Variants in DSCAM observed in about 807,000 individuals in gnomAD.
DSCAM encodes DS cell adhesion molecule, also known as cell adhesion molecule DSCAM.
DSCAM carries 47 observed loss-of-function variants against 217.7 expected under a neutral mutation model. That is an observed-to-expected ratio of 0.22 (90% CI 0.17 to 0.28). The LOEUF (loss-of-function observed/expected upper bound fraction) is 0.28. DSCAM is among the 10% of genes least tolerant of loss of function. The pLI is 1.00. For missense variants in DSCAM, 2,080 were observed against 2,618.3 expected, an observed-to-expected ratio of 0.79 and a Z score of 4.49; for synonymous variants, 1,056 against 1,015.3, an observed-to-expected ratio of 1.04 and a Z score of -0.76.
intron 3 of DSCAM, among the ~76,000 whole-genome samples, chr21:40,486,757 T>C (rs1350646792): frequency 6.6e-6 from 1 of 152,196 alleles, no homozygotes; most frequent in Non-Finnish European, 1.5e-5. Context: ...CTTTCTAGTT[T>C]CTAATGTTCC....
At chr21:40,055,011 T>C (rs2088990924) in intron 29 of DSCAM, among the ~76,000 whole-genome samples, 1 of 152,206 alleles carries the variant, frequency 6.6e-6, no homozygotes, top group Non-Finnish European at 1.5e-5. Context: ...AAAGGAAATA[T>C]AAGGTATTTC....
intron 20 of DSCAM, among the ~76,000 whole-genome samples, chr21:40,098,719 A>G (rs1437126803): frequency 6.6e-6 from 1 of 152,166 alleles, no homozygotes; most frequent in East Asian, 1.9e-4. Context: ...CCTCAACAAA[A>G]CATAATGTCA....
intron 30 of DSCAM, among the ~76,000 whole-genome samples, chr21:40,047,814 C>G (rs1359732690): frequency 6.6e-6 from 1 of 152,148 alleles, no homozygotes; most frequent in Non-Finnish European, 1.5e-5. Flanking sequence ...ATGCACCTCA[C>G]CCACCCCAGG....
intron 3 of DSCAM, among the ~76,000 whole-genome samples, chr21:40,473,252 C>T (rs1462831562): frequency 6.6e-6 from 1 of 152,120 alleles, no homozygotes; most frequent in Non-Finnish European, 1.5e-5. Flanking sequence ...AAGAGTGGCA[C>T]CAAGAGTGGC....
chr21:40,797,334 T>C (rs1284022231), intron 1 of DSCAM, among the ~76,000 whole-genome samples: 5 of 152,190 alleles, frequency 3.3e-5, no homozygotes, highest in Admixed American at 3.3e-4. Flanking sequence ...TAATTCAATG[T>C]CATGGTCTCT....
intron 11 of DSCAM, among the ~76,000 whole-genome samples, chr21:40,206,429 G>T (rs1271390845): frequency 6.6e-6 from 1 of 151,994 alleles, no homozygotes; most frequent in Non-Finnish European, 1.5e-5. Context: ...AGTGGGTCTA[G>T]GGGGGACTCC....
chr21:40,150,432 AG>A (rs2090412708), intron 16 of DSCAM, among the ~76,000 whole-genome samples: 1 of 152,394 alleles, frequency 6.6e-6, no homozygotes, highest in South Asian at 2.1e-4. Flanking sequence ...TAGACTAGTC[AG>A]ATTGAAATTT....
At chr21:40,701,680 T>G (rs2090658069) in intron 2 of DSCAM, among the ~76,000 whole-genome samples, 1 of 149,618 alleles carries the variant, frequency 6.7e-6, no homozygotes, top group Non-Finnish European at 1.5e-5. Context: ...TCTGAATTTT[T>G]TTTTTTGACA....
At chr21:40,604,900 A>G (rs1317401727) in intron 3 of DSCAM, among the ~76,000 whole-genome samples, 2 of 152,208 alleles carry the variant, frequency 1.3e-5, no homozygotes, top group Admixed American at 6.5e-5. Context: ...TCCTCCTCCT[A>G]TGTGAGGCAG....
chr21:40,698,598 A>G (rs2146461574), intron 2 of DSCAM, among the ~76,000 whole-genome samples: 1 of 152,274 alleles, frequency 6.6e-6, no homozygotes, highest in South Asian at 2.1e-4. Flanking sequence ...GGCTGGGTGC[A>G]GTGGCTCACA....
At chr21:40,282,451 C>T (rs543612926) in intron 10 of DSCAM, among the ~76,000 whole-genome samples, 8 of 151,328 alleles carry the variant, frequency 5.3e-5, no homozygotes, top group East Asian at 3.9e-4. Flanking sequence ...ATTAGCCGGG[C>T]GTGGTAGCGG....
chr21:40,664,149 C>T lies in DSCAM; in HGVS notation c.508+28661G>A, dbSNP rs987889491. ...TGCAAATGTCCTCTTATCCATAGTC[C>T]GGGATAAAGGAAATGGATTATTCTA... On this transcript the variant is annotated intron_variant, in intron 3 of 32. Transcript: ENST00000400454. Among the ~76,000 whole-genome samples, 56 of 152,026 alleles carry T rather than the reference C, an allele frequency of 3.7e-4. 1 individual carries two copies. The highest frequency in any genetic ancestry group is 1.1e-3 in the African/African-American group (44 of 41,386).
At chr21:40,036,969 C>A (rs79388963) in intron 32 of DSCAM, among the ~76,000 whole-genome samples, 4 of 150,122 alleles carry the variant, frequency 2.7e-5, no homozygotes, top group African/African-American at 5.0e-5. Context: ...TTCAACAACC[C>A]TTCATGCTAA....
chr21:40,591,393 A>T (rs1437660843), intron 3 of DSCAM, among the ~76,000 whole-genome samples: 1 of 152,242 alleles, frequency 6.6e-6, no homozygotes, highest in African/African-American at 2.4e-5. Context: ...AGTACTGAGT[A>T]TCCACCTGTT....
chr21:40,058,457 C>T (rs1183677179), intron 28 of DSCAM, among the ~76,000 whole-genome samples: 1 of 152,140 alleles, frequency 6.6e-6, no homozygotes, highest in African/African-American at 2.4e-5. Context: ...AAATATGCTC[C>T]ACCAGGGTTT....
intron 2 of DSCAM, among the ~76,000 whole-genome samples, chr21:40,700,863 A>T (rs777270196): frequency 6.6e-6 from 1 of 151,704 alleles, no homozygotes; most frequent in Non-Finnish European, 1.5e-5. Flanking sequence ...CAGTCTCCCA[A>T]GTAGCTGGGA....
At chr21:40,462,330 G>C (rs1239089315) in intron 3 of DSCAM, among the ~76,000 whole-genome samples, 1 of 152,096 alleles carries the variant, frequency 6.6e-6, no homozygotes, top group Non-Finnish European at 1.5e-5. Flanking sequence ...TCAAATTCTT[G>C]GACCCATCTT....
intron 1 of DSCAM, among the ~76,000 whole-genome samples, chr21:40,828,900 C>T (rs774097338): frequency 6.6e-6 from 1 of 152,170 alleles, no homozygotes; most frequent in Non-Finnish European, 1.5e-5. Context: ...TCAGGTGATC[C>T]ACCCGCCTCG....
At chr21:40,266,635 TTATATATATATATATATATATATATA>T (rs71186923) in intron 11 of DSCAM, among the ~76,000 whole-genome samples, 3 of 62,628 alleles carry the variant, frequency 4.8e-5, no homozygotes, top group Non-Finnish European at 8.2e-5. Flanking sequence ...CAAAGATGTT[TTATATATATATATATATATATATATA>T]TATATATATA....
Sources: gnomAD v4.1 joint callset for allele counts (sites outside exome capture counted in the v4.1 genomes callset) on GRCh38, gnomAD v4.1.1 for gene constraint, MANE v1.5 for transcripts, NCBI Gene and HGNC (gene_info 2026-07-23, HGNC 2026-07-21) for gene names.